Variants in GPR161 observed in about 807,000 individuals in gnomAD.
The protein encoded by GPR161 is G-protein coupled receptor RE2.
GPR161 carries 25 observed loss-of-function variants against 39.2 expected under a neutral mutation model. The ratio of observed to expected loss-of-function variants is 0.64; its 90% CI spans 0.47 to 0.89. GPR161 has a LOEUF of 0.89. GPR161 is among the 40% of genes least tolerant of loss of function. The pLI, the probability that GPR161 is intolerant of heterozygous loss-of-function variation, is 0.00. For missense variants in GPR161, 547 were observed against 677.8 expected (o/e 0.81, Z 2.14); for synonymous variants, 286 against 276.6 (o/e 1.03, Z -0.34).
intron 1 of GPR161, among the ~76,000 whole-genome samples, chr1:168,112,275 T>C (rs1036174240): frequency 2.6e-5 from 4 of 151,576 alleles, no homozygotes; most frequent in African/African-American, 7.3e-5. Context: ...AGTGAGGAGA[T>C]TGAGACAATC....
chr1:168,107,377 G>C (rs1696707440), intron 1 of GPR161, among the ~76,000 whole-genome samples: 1 of 152,184 alleles, frequency 6.6e-6, no homozygotes, highest in Non-Finnish European at 1.5e-5. Flanking sequence ...TGGGTGATGA[G>C]GGCTCTGCTC....
chr1:168,117,309 A>G (rs1410619741), intron 1 of GPR161, among the ~76,000 whole-genome samples: 1 of 152,226 alleles, frequency 6.6e-6, no homozygotes, highest in African/African-American at 2.4e-5. Context: ...AGTGCAATAT[A>G]TGACATACTA....
At position 168,085,515 on chromosome 1, in the gene GPR161, C is replaced by T. The variant is rs200782734; in HGVS notation, c.*16G>A. The stretch of plus-strand genomic sequence containing the variant: ...GCCAGCCTCTCAGGCTGCAGCCCCA[C>T]GGCACCCTGAGGCCCTCATCTCTGC... On this transcript the variant is annotated 3_prime_UTR_variant, in exon 6 of 6. Coordinates refer to ENST00000682931, the MANE Select transcript of GPR161 (RefSeq NM_001375883.1). The T allele has an allele frequency of 5.0e-6, 8 of 1,600,294 alleles. No individual in the cohort carries two copies. The highest frequency in any genetic ancestry group is 3.3e-4 in the Middle Eastern group (2 of 6,014).
Position 168,110,141 on chromosome 1 carries a change from C to T in GPR161, c.-44-5247G>A, listed in dbSNP as rs1308684473. 2.6e-5 allele frequency among the ~76,000 whole-genome samples: 4 copies of T among 152,070 alleles called. No homozygotes were observed. In the East Asian group the frequency reaches 7.7e-4, roughly 29 times the overall value. ...GATGAAAGTGAGCACATAGCATTCA[C>T]CATGAGCGACAGTCAACAACAACAG... On this transcript the variant is annotated intron_variant, in intron 1 of 5. Coordinates refer to ENST00000682931, the MANE Select transcript of GPR161 (RefSeq NM_001375883.1).
In GPR161 at chr1:168,104,899, A is replaced by C; in HGVS notation, c.-44-5T>G. On this transcript the variant is annotated splice_region_variant and splice_polypyrimidine_tract_variant and intron_variant, in intron 1 of 5. Coordinates refer to ENST00000682931, the MANE Select transcript of GPR161 (RefSeq NM_001375883.1). ...TGGGCAGAGCATGCTGGACGACTGG[A>C]AAGATAAGGCAGGACCAGGGGACAG... 6.2e-7 allele frequency: 1 copy of C among 1,600,080 alleles called. No individual in the cohort carries two copies. The highest frequency in any genetic ancestry group is 8.5e-7 in the Non-Finnish European group (1 of 1,170,510).
Position 168,080,439 on chromosome 1 carries a change from G to A in GPR161, c.*5092C>T, listed in dbSNP as rs1361623811. The A allele has an allele frequency of 6.6e-6, 1 of 152,220 alleles. No individual in the cohort carries two copies. The highest frequency in any genetic ancestry group is 6.5e-5 in the Admixed American group (1 of 15,272). The allele number at this position is 152,220 out of a possible 1,614,324, so 9.4% of individuals were successfully genotyped here. A position where few individuals can be genotyped will look rare whatever the true frequency, so the allele number is the denominator to read the frequency against. On this transcript the variant is annotated 3_prime_UTR_variant, in exon 6 of 6. Transcript: ENST00000682931. ...TGTGTCCCCTCTCCCAACCCACAAGGACAGTATGGCTCTGCTCCTTCTTAT... is the reference window on the plus strand; with the variant it reads ...TGTGTCCCCTCTCCCAACCCACAAGAACAGTATGGCTCTGCTCCTTCTTAT...
intron 1 of GPR161, chr1:168,134,813 G>T: frequency 8.8e-7 from 1 of 1,130,918 alleles, no homozygotes; most frequent in Non-Finnish European, 1.3e-6. Flanking sequence ...GCAGCACACA[G>T]CTCCCACCCA....
chr1:168,107,442 G>A (rs867069526), intron 1 of GPR161, among the ~76,000 whole-genome samples: 1 of 152,230 alleles, frequency 6.6e-6, no homozygotes, highest in South Asian at 2.1e-4. Flanking sequence ...AGTGGGACTG[G>A]TGGATTTATA....
In GPR161 at chr1:168,120,795, C is replaced by T. The variant is rs150477390; in HGVS notation, c.-44-15901G>A. ...CTAAGTGCTCACTCTCTCCTGCTGC[C>T]TTGTGAAGAAGGTAGTCACTTCTAC... On this transcript the variant is annotated intron_variant, in intron 1 of 5. Transcript: ENST00000682931. 5.1e-3 allele frequency among the ~76,000 whole-genome samples: 771 copies of T among 152,210 alleles called. 2 individuals carry two copies. The highest frequency in any genetic ancestry group is 0.014 in the Admixed American group (216 of 15,294).
Position 168,085,668 on chromosome 1 carries a change from GCAAA to G in GPR161, c.1449_1452del (p.Leu484GlnfsTer25). On this transcript the variant is annotated frameshift_variant, in exon 6 of 6. Transcript: ENST00000682931. LOFTEE classifies it low-confidence loss of function (END_TRUNC). Reference sequence around the variant, plus strand: ...GTCCGTGCTGTAACCAAGACCCCTGGCAAAGCCTCCTCCCCAAATAAGTTGATTT... The same window carrying G: ...GTCCGTGCTGTAACCAAGACCCCTGGGCCTCCTCCCCAAATAAGTTGATTT... 2 of 1,614,206 alleles carry G rather than the reference GCAAA, an allele frequency of 1.2e-6. No individual in the cohort carries two copies. Among genetic ancestry groups the G allele is most frequent in the Non-Finnish European group, 1.7e-6 (2 of 1,180,028 alleles).
At position 168,098,518 on chromosome 1, in the gene GPR161, G is replaced by C. The variant is rs1004644175; in HGVS notation, c.375-1286C>G. On this transcript the variant is annotated intron_variant, in intron 2 of 5. Transcript: ENST00000682931. This position sits in a 1 kb window ranked among gnomAD's most constrained non-coding sequence, Gnocchi z 4.1. ...TGGCAGGACGTTGGGAAATGACTCTGGCTATGTGCCTCACACATCGCCTGG... is the reference window on the plus strand; with the variant it reads ...TGGCAGGACGTTGGGAAATGACTCTCGCTATGTGCCTCACACATCGCCTGG... Among the ~76,000 whole-genome samples, 2 of 152,252 alleles carry C rather than the reference G, an allele frequency of 1.3e-5. No individual in the cohort carries two copies. Among genetic ancestry groups the C allele is most frequent in the African/African-American group, 4.8e-5 (2 of 41,464 alleles).
intron 1 of GPR161, among the ~76,000 whole-genome samples, chr1:168,123,120 T>C (rs746078570): frequency 3.9e-5 from 6 of 152,274 alleles, no homozygotes; most frequent in Non-Finnish European, 7.4e-5. Flanking sequence ...GAACCCTGAT[T>C]TCACGTGGGG....
In GPR161 at chr1:168,096,919, C is replaced by G. The variant is rs756165153; in HGVS notation, c.688G>C (p.Val230Leu). Residue 230 changes from valine to leucine, a missense_variant, in exon 3 of 6, where the codon GTG becomes CTG. By Grantham distance (32) the Val-to-Leu change is conservative. Coordinates refer to ENST00000682931, the MANE Select transcript of GPR161 (RefSeq NM_001375883.1). The stretch of plus-strand genomic sequence containing the variant: ...CCGGTCCTCTGAGCATCCTCCTCCA[C>G]GATGACGACTGTGCCACAGTGCACC... ...RKVHCGTVVI[V>L]EEDAQRTGRK... 3.1e-6 allele frequency: 5 copies of G among 1,614,154 alleles called. No individual in the cohort carries two copies. Among genetic ancestry groups the G allele is most frequent in the Non-Finnish European group, 4.2e-6 (5 of 1,180,020 alleles).
intron 5 of GPR161, among the ~76,000 whole-genome samples, chr1:168,086,346 C>A (rs189004683): frequency 1.3e-5 from 2 of 152,318 alleles, no homozygotes; most frequent in South Asian, 4.1e-4. Flanking sequence ...TAAACTAAAA[C>A]GAACAGAAGT....
At chr1:168,125,982 G>A (rs913375094) in intron 1 of GPR161, among the ~76,000 whole-genome samples, 1 of 152,106 alleles carries the variant, frequency 6.6e-6, no homozygotes, top group African/African-American at 2.4e-5. Flanking sequence ...CCAAACCGTG[G>A]GTGGCAGCTA....
chr1:168,081,903 G>C lies in GPR161; in HGVS notation c.*3628C>G, dbSNP rs911697376. ...TCCTTCCAGACAGGACACAGCCAGG[G>C]CTCAAGGCTGAACACATGTTGTGAA... is the stretch of plus-strand genomic sequence containing the variant. On this transcript the variant is annotated 3_prime_UTR_variant, in exon 6 of 6. Coordinates refer to ENST00000682931, the MANE Select transcript of GPR161 (RefSeq NM_001375883.1). 6.6e-6 allele frequency: 1 copy of C among 152,292 alleles called. No homozygotes were observed. The highest frequency in any genetic ancestry group is 1.5e-5 in the Non-Finnish European group (1 of 68,080). The allele number at this position is 152,292 out of a possible 1,614,324, so 9.4% of individuals were successfully genotyped here.
chr1:168,086,027 A>G (rs1043498881), intron 5 of GPR161, among the ~76,000 whole-genome samples: 1 of 152,256 alleles, frequency 6.6e-6, no homozygotes, highest in Non-Finnish European at 1.5e-5. Context: ...TAAAGAGAAG[A>G]TATTAAGATA....
rs188126210 is a variant in GPR161, at chr1:168,121,094, C to T, written c.-45+15645G>A. Among the ~76,000 whole-genome samples the T allele has an allele frequency of 5.9e-5, 9 of 152,276 alleles. 1 individual carries two copies. The East Asian group carries it at 1.7e-3, about 29-fold the overall frequency. ...AGCCAGCTATTTCCACAGCTTCTCA[C>T]CCATTGTTAGAGATGAGAAGATCCT... On this transcript the variant is annotated intron_variant, in intron 1 of 5. Coordinates refer to ENST00000682931, the MANE Select transcript of GPR161 (RefSeq NM_001375883.1).
At position 168,136,747 on chromosome 1, in the gene GPR161, GGCCGCCGCGGCAGCTCAGGCCCCGGCCCA is replaced by G. The variant is rs1410569724; in HGVS notation, c.-82_-54del. 2.0e-6 allele frequency: 2 copies of G among 997,356 alleles called. No homozygotes were observed. The highest frequency in any genetic ancestry group is 2.1e-4 in the East Asian group (2 of 9,496). 61.8% of individuals were successfully genotyped at this position (997,356 alleles called of 1,614,324 possible). ...CCACGCCGGGTGCTCACCGAGGAGC[GGCCGCCGCGGCAGCTCAGGCCCCGGCCCA>G]GCCGCCTCCCCGCCTCGGCCACCGC... On this transcript the variant is annotated 5_prime_UTR_variant, in exon 1 of 6. Transcript: ENST00000682931.
Sources: gnomAD v4.1 joint callset for allele counts (sites outside exome capture counted in the v4.1 genomes callset) on GRCh38, gnomAD v4.1.1 for gene constraint, Gnocchi (gnomAD v3.1) non-coding constraint, MANE v1.5 for transcripts, NCBI Gene and HGNC (gene_info 2026-07-23, HGNC 2026-07-21) for gene names.